Variants in DKK2 observed in about 807,000 individuals in gnomAD.
DKK2 encodes dickkopf-related protein 2.
In DKK2, 11 loss-of-function variants were observed where a neutral mutation model predicts 28.1. That is an observed-to-expected ratio of 0.39 (90% CI 0.25 to 0.65). The LOEUF is 0.65. Among genes scored for constraint, DKK2 ranks in the 30% least tolerant of loss-of-function variants. The pLI, the probability that DKK2 is intolerant of heterozygous loss-of-function variation, is 0.47. For missense variants in DKK2, 326 were observed against 335.5 expected, an observed-to-expected ratio of 0.97 and a Z score of 0.22; for synonymous variants, 135 against 126.5, an observed-to-expected ratio of 1.07 and a Z score of -0.45.
chr4:106,957,777 T>G (rs1722618929), intron 1 of DKK2, among the ~76,000 whole-genome samples: 1 of 132,670 alleles, frequency 7.5e-6, no homozygotes, highest in Non-Finnish European at 1.6e-5. Flanking sequence ...GGGGGAGGGA[T>G]AGCATTAGGA....
intron 1 of DKK2, among the ~76,000 whole-genome samples, chr4:107,015,287 C>T (rs1206912730): frequency 6.6e-6 from 1 of 151,578 alleles, no homozygotes; most frequent in Non-Finnish European, 1.5e-5. Context: ...TCTTAAATTG[C>T]ATTCTCTTTG....
At chr4:106,938,833 G>A (rs542160318) in intron 1 of DKK2, among the ~76,000 whole-genome samples, 56 of 151,116 alleles carry the variant, frequency 3.7e-4, no homozygotes, top group African/African-American at 1.3e-3. Flanking sequence ...ATGTAATCCA[G>A]CATATAAACA....
In DKK2 at chr4:106,989,956, T is replaced by G. The variant is rs1036026347; in HGVS notation, c.222+45414A>C. Among the ~76,000 whole-genome samples the G allele has an allele frequency of 5.9e-5, 9 of 152,274 alleles. 1 individual carries two copies. The highest frequency in any genetic ancestry group is 5.9e-4 in the Admixed American group (9 of 15,294). On this transcript the variant is annotated intron_variant, in intron 1 of 3. Coordinates refer to ENST00000285311, the MANE Select transcript of DKK2 (RefSeq NM_014421.3). The stretch of plus-strand genomic sequence containing the variant: ...AAAATATCTTTAGTTTAACCCAACA[T>G]AGCAAAAATATTATTTTAACAGAAA...
intron 1 of DKK2, among the ~76,000 whole-genome samples, chr4:106,962,823 C>T (rs897187134): frequency 6.6e-6 from 1 of 151,312 alleles, no homozygotes; most frequent in Non-Finnish European, 1.5e-5. Context: ...AGAGATAACA[C>T]GTAGAATAGG....
At chr4:107,028,414 T>A (rs192757590) in intron 1 of DKK2, among the ~76,000 whole-genome samples, 30 of 152,332 alleles carry the variant, frequency 2.0e-4, no homozygotes, top group African/African-American at 7.0e-4. Flanking sequence ...AATGATGTCA[T>A]CAGCAAAATA....
intron 1 of DKK2, among the ~76,000 whole-genome samples, chr4:106,937,824 C>A (rs1202200085): frequency 6.6e-6 from 1 of 151,716 alleles, no homozygotes; most frequent in African/African-American, 2.4e-5. Context: ...CACTCAAAAC[C>A]GGTCAACTAC....
At chr4:106,990,689 C>T (rs1723190282) in intron 1 of DKK2, among the ~76,000 whole-genome samples, 1 of 152,106 alleles carries the variant, frequency 6.6e-6, no homozygotes, top group Admixed American at 6.6e-5. Flanking sequence ...CCAAGCACCT[C>T]TTACAGTCCA....
At chr4:106,952,445 A>T (rs192634605) in intron 1 of DKK2, among the ~76,000 whole-genome samples, 6 of 152,308 alleles carry the variant, frequency 3.9e-5, no homozygotes, top group African/African-American at 1.2e-4. Flanking sequence ...AGCCATAGAA[A>T]CTGGCATCTT....
intron 1 of DKK2, among the ~76,000 whole-genome samples, chr4:107,004,636 T>C (rs1006930127): frequency 6.6e-6 from 1 of 152,222 alleles, no homozygotes; most frequent in African/African-American, 2.4e-5. Flanking sequence ...GGCAGAATAA[T>C]AGTCCCCCGA....
rs750018954 is a variant in DKK2, at chr4:106,924,067, G to A, written c.667C>T (p.His223Tyr). Residue 223 changes from histidine to tyrosine, a missense_variant, in exon 4 of 4, where the codon CAT (histidine) becomes TAT (tyrosine). Coordinates refer to ENST00000285311, the MANE Select transcript of DKK2 (RefSeq NM_014421.3). The stretch of plus-strand genomic sequence containing the variant: ...CAACGCTGGAAAATTTCCAGCCCAT[G>A]AGAACCCTTCTTGCGTTGTTTGGTA... Reference protein sequence around the residue: ...VCTKQRKKGSHGLEIFQRCDC... With the variant: ...VCTKQRKKGSYGLEIFQRCDC... 3.1e-6 allele frequency: 5 copies of A among 1,613,972 alleles called. No homozygotes were observed. Among genetic ancestry groups the A allele is most frequent in the Middle Eastern group, 1.6e-4 (1 of 6,062 alleles).
chr4:106,948,764 AAATT>A (rs931381568), intron 1 of DKK2, among the ~76,000 whole-genome samples: 6 of 152,164 alleles, frequency 3.9e-5, no homozygotes, highest in African/African-American at 1.2e-4. Flanking sequence ...TTTGTCTAAT[AAATT>A]AGTTTACTGA....
intron 1 of DKK2, among the ~76,000 whole-genome samples, chr4:107,025,024 A>C (rs909094064): frequency 6.6e-6 from 1 of 152,128 alleles, no homozygotes; most frequent in African/African-American, 2.4e-5. Context: ...TGGCTCACTT[A>C]CTCCTGAAGT....
At chr4:107,034,756 G>A (rs1344089105) in intron 1 of DKK2, among the ~76,000 whole-genome samples, 3 of 152,120 alleles carry the variant, frequency 2.0e-5, no homozygotes, top group African/African-American at 7.2e-5. Flanking sequence ...TGGTTGGAAG[G>A]GAAGGAGACC....
intron 1 of DKK2, among the ~76,000 whole-genome samples, chr4:107,009,217 A>G (rs1459659864): frequency 7.2e-5 from 11 of 152,010 alleles, no homozygotes; most frequent in Admixed American, 7.2e-4. Context: ...AAAAATCCCC[A>G]TTAATTTTAA....
At chr4:107,024,740 C>T (rs1033402132) in intron 1 of DKK2, among the ~76,000 whole-genome samples, 2 of 151,992 alleles carry the variant, frequency 1.3e-5, no homozygotes, top group East Asian at 1.9e-4. Flanking sequence ...ACCATTTTAC[C>T]GATGAAAAAA....
At chr4:106,999,305 T>C (rs1723322056) in intron 1 of DKK2, among the ~76,000 whole-genome samples, 2 of 152,188 alleles carry the variant, frequency 1.3e-5, no homozygotes, top group South Asian at 2.1e-4. Context: ...GTATAACATA[T>C]ACATATATGT....
intron 1 of DKK2, among the ~76,000 whole-genome samples, chr4:107,002,790 T>C: frequency 6.6e-6 from 1 of 152,232 alleles, no homozygotes; most frequent in Non-Finnish European, 1.5e-5. Flanking sequence ...ATAATGTGGA[T>C]GCTTTTGAAT....
At chr4:106,963,332 G>A (rs1431217041) in intron 1 of DKK2, among the ~76,000 whole-genome samples, 2 of 150,702 alleles carry the variant, frequency 1.3e-5, no homozygotes, top group African/African-American at 2.4e-5. Flanking sequence ...CAGCCTGGGC[G>A]ACACAGTTAG....
intron 1 of DKK2, among the ~76,000 whole-genome samples, chr4:106,979,077 G>GTTT (rs374755061): frequency 0.013 from 1,990 of 149,178 alleles, 20 homozygotes; most frequent in South Asian, 0.018. Context: ...TTTTGTTTTT[G>GTTT]TTTTTTTTTC....
Sources: gnomAD v4.1 joint callset for allele counts (sites outside exome capture counted in the v4.1 genomes callset) on GRCh38, gnomAD v4.1.1 for gene constraint, MANE v1.5 for transcripts, NCBI Gene and HGNC (gene_info 2026-07-23, HGNC 2026-07-21) for gene names.